The following FAN1 variants were observed in gnomAD, a reference collection of about 807,000 sequenced individuals.
The protein encoded by FAN1 is FANCD2 and FANCI associated nuclease 1.
FAN1 carries 91 observed loss-of-function variants against 104.9 expected under a neutral mutation model. The observed-to-expected ratio is 0.87, with a 90% confidence interval of 0.73 to 1.03. FAN1 has a LOEUF of 1.03. FAN1 is among the 50% of genes least tolerant of loss of function. The pLI, the probability that FAN1 is intolerant of heterozygous loss-of-function variation, is 0.00. For synonymous variants in FAN1, 478 were observed against 457.6 expected (o/e 1.04, Z -0.57); for missense variants, 1,263 against 1,239.9 (o/e 1.02, Z -0.28).
At chr15:30,908,089 T>G (rs771990319) in intron 2 of FAN1, 29 bp from the exon 3 acceptor site, 2 of 1,575,092 alleles carry the variant, frequency 1.3e-6, no homozygotes, top group South Asian at 2.4e-5. Flanking sequence ...ATGCAGTGAT[T>G]TTCAACATTT....
intron 6 of FAN1, 105 bp downstream of exon 6, chr15:30,918,400 GTTAAACCAGC>G (rs1403726818): frequency 5.4e-5 from 63 of 1,171,912 alleles, no homozygotes; most frequent in Non-Finnish European, 7.8e-5. Context: ...TTTCTCTGTG[GTTAAACCAGC>G]TGTGGAATTG....
chr15:30,936,409 G>T (rs2062853876), intron 13 of FAN1, among the ~76,000 whole-genome samples: 1 of 151,062 alleles, frequency 6.6e-6, no homozygotes, highest in Admixed American at 6.6e-5. Context: ...TGGCAAGAAG[G>T]TTAGATTTAA....
chr15:30,937,807 C>T (rs550745393), intron 14 of FAN1, among the ~76,000 whole-genome samples: 1 of 151,998 alleles, frequency 6.6e-6, no homozygotes, highest in South Asian at 2.1e-4. Context: ...ATTATTGGAG[C>T]TGGATGCATC....
intron 10 of FAN1, 130 bp downstream of exon 10, chr15:30,926,069 G>A (rs2062454899): frequency 3.3e-6 from 3 of 918,888 alleles, no homozygotes; most frequent in East Asian, 2.4e-5. Context: ...CTGTGGGCTG[G>A]GGGATGTCTT....
At chr15:30,909,888 G>T (rs1391903958) in intron 3 of FAN1, among the ~76,000 whole-genome samples, 2 of 152,206 alleles carry the variant, frequency 1.3e-5, no homozygotes, top group African/African-American at 4.8e-5. Flanking sequence ...GCCAGCTTCA[G>T]TTTGCCTCCT....
At chr15:30,928,371 A>G (rs903765867) in intron 10 of FAN1, 182 bp from the exon 11 acceptor site, 5 of 1,426,606 alleles carry the variant, frequency 3.5e-6, no homozygotes, top group Non-Finnish European at 4.6e-6. Context: ...TATAAACAAC[A>G]TACTGTATAA....
Position 30,942,649 on chromosome 15 carries a change from T to C in FAN1, c.*1087T>C. The C allele has an allele frequency of 6.4e-6, 3 of 467,986 alleles. No homozygotes were observed. Among genetic ancestry groups the C allele is most frequent in the Non-Finnish European group, 1.1e-5 (3 of 268,824 alleles). 29.0% of individuals were successfully genotyped at this position (467,986 alleles called of 1,614,324 possible). ...AATGGATAAATGGGGCTTTAGTAAA[T>C]CAGGCTTGCAGGCTCAAAGCTGCAA... On this transcript the variant is annotated 3_prime_UTR_variant, in exon 15 of 15. Coordinates refer to ENST00000362065, the MANE Select transcript of FAN1 (RefSeq NM_014967.5).
chr15:30,925,672 C>T, intron 9 of FAN1, 117 bp from the exon 10 acceptor site: 2 of 1,152,942 alleles, frequency 1.7e-6, no homozygotes, highest in Non-Finnish European at 2.5e-6. Context: ...ACGCTGTGTG[C>T]TCTACTAAGT....
chr15:30,918,372 A>G, intron 6 of FAN1, 77 bp downstream of exon 6: 2 of 1,426,038 alleles, frequency 1.4e-6, no homozygotes, highest in Non-Finnish European at 2.0e-6. Context: ...AATTTTCTTC[A>G]TGAAGAATAT....
chr15:30,913,986 G>A lies in FAN1; in HGVS notation c.1706G>A (p.Gly569Glu). 1.2e-6 allele frequency: 2 copies of A among 1,614,112 alleles called. No homozygotes were observed. Among genetic ancestry groups the A allele is most frequent in the Non-Finnish European group, 1.7e-6 (2 of 1,179,998 alleles). ...EDEDAACGGQ[G>E]QLSTVLLVNL... ...GAAGACGCCGCTTGTGGAGGTCAGG[G>A]ACAGCTTTCAACAGTCCTGTTGGTC... The change falls in exon 5 of 15, where the codon GGA (glycine) becomes GAA (glutamate). Residue 569 changes from glycine to glutamate, a missense_variant. By Grantham distance (98) the Gly-to-Glu change is moderately conservative. Around this residue, in one of 2 missense-constraint regions of FAN1, gnomAD observed 581 missense variants for 668.8 expected, o/e 0.87. Transcript: ENST00000362065.
At position 30,942,953 on chromosome 15, in the gene FAN1, GAAGGGGTTATGGAA is replaced by G; in HGVS notation, c.*1397_*1410del. ...TACAAGGTGTGCTCTTTCCAATGTA[GAAGGGGTTATGGAA>G]AAGGGTGCGATCCTTTGCTGTAAAC... On this transcript the variant is annotated 3_prime_UTR_variant, in exon 15 of 15. Transcript: ENST00000362065. The G allele has an allele frequency of 6.4e-7, 1 of 1,563,230 alleles. No homozygotes were observed. The highest frequency in any genetic ancestry group is 8.7e-7 in the Non-Finnish European group (1 of 1,151,728).
chr15:30,910,757 CG>C lies in FAN1; in HGVS notation c.1520del (p.Arg507LeufsTer16), dbSNP rs1429514593. On this transcript the variant is annotated frameshift_variant, in exon 4 of 15. Transcript: ENST00000362065. LOFTEE classifies it high-confidence loss of function. The stretch of plus-strand genomic sequence containing the variant: ...CGCCTTTCTCAAATTGGCCAAACAG[CG>C]TTCAGTCTGCACTTGGGGCAAGAAT... ...VDAFLKLAKQRSVCTWGKNKP... is the reference protein window; with the variant it reads ...VDAFLKLAKQXSVCTWGKNKP... 4.3e-6 allele frequency: 7 copies of C among 1,613,904 alleles called. No homozygotes were observed. Among genetic ancestry groups the C allele is most frequent in the African/African-American group, 1.3e-5 (1 of 74,866 alleles).
At chr15:30,937,312 T>A (rs1184261987) in intron 14 of FAN1, 53 bp downstream of exon 14, 33 of 1,517,034 alleles carry the variant, frequency 2.2e-5, no homozygotes, top group Non-Finnish European at 2.9e-5. Context: ...TTCAAGAGTA[T>A]AAAACATGTT....
In FAN1 at chr15:30,904,765, T is replaced by C; in HGVS notation, c.102T>C (p.Phe34=). 1 of 1,613,488 alleles carries C rather than the reference T, an allele frequency of 6.2e-7. No individual in the cohort carries two copies. The highest frequency in any genetic ancestry group is 1.3e-5 in the African/African-American group (1 of 75,036). The change falls in exon 2 of 15, where the codon TTT becomes TTC. Residue 34 remains phenylalanine (F), a synonymous_variant. Transcript: ENST00000362065. ...KKASNSIISC[F]NNAPPAKLAC... ...CATCTAATTCTATTATTTCGTGTTT[T>C]AACAATGCACCACCTGCTAAACTTG...
At chr15:30,923,665 G>A (rs763572926) in intron 8 of FAN1, among the ~76,000 whole-genome samples, 4 of 152,328 alleles carry the variant, frequency 2.6e-5, no homozygotes, top group Admixed American at 6.5e-5. Flanking sequence ...CTCCCTCTCC[G>A]AGGCCAGGCT....
intron 14 of FAN1, chr15:30,941,157 CTAT>C: frequency 7.6e-7 from 1 of 1,313,280 alleles, no homozygotes; most frequent in Admixed American, 2.3e-5. Context: ...ATGTGACTGA[CTAT>C]CAGATAGCCT....
At position 30,941,563 on chromosome 15, in the gene FAN1, C is replaced by A. The variant is rs767018763; in HGVS notation, c.*4-3C>A. ...GTGTTCCTAAAATGCTTCGTCTGCACAGATTCCCTACAGGAGAAAATGGAA... is the reference window on the plus strand; with the variant it reads ...GTGTTCCTAAAATGCTTCGTCTGCAAAGATTCCCTACAGGAGAAAATGGAA... On this transcript the variant is annotated splice_region_variant and splice_polypyrimidine_tract_variant and intron_variant, in intron 14 of 14. Transcript: ENST00000362065. 1 of 1,602,152 alleles carries A rather than the reference C, an allele frequency of 6.2e-7. No individual in the cohort carries two copies. The highest frequency in any genetic ancestry group is 1.1e-5 in the South Asian group (1 of 89,402).
rs370720123 is a variant in FAN1, at chr15:30,942,045, T to G, written c.*483T>G. On this transcript the variant is annotated 3_prime_UTR_variant, in exon 15 of 15. Coordinates refer to ENST00000362065, the MANE Select transcript of FAN1 (RefSeq NM_014967.5). ...ATTCCATTCTTTAAGGCAGACGGCA[T>G]TCCTCTTAGTGTGGAGCTGTAGCTT... 42 of 1,613,880 alleles carry G rather than the reference T, an allele frequency of 2.6e-5. No homozygotes were observed. Among genetic ancestry groups the G allele is most frequent in the Non-Finnish European group, 3.5e-5 (41 of 1,179,862 alleles).
At chr15:30,926,031 C>G (rs571132243) in intron 10 of FAN1, 92 bp downstream of exon 10, 1 of 1,270,258 alleles carries the variant, frequency 7.9e-7, no homozygotes, top group African/African-American at 1.5e-5. Context: ...GCTGTCCTCT[C>G]TCTGTCCTCT....
Sources: allele counts gnomAD v4.1 joint callset (sites outside exome capture counted in the v4.1 genomes callset), GRCh38; gene constraint gnomAD v4.1.1; regional missense constraint gnomAD v4.1.1; transcripts MANE v1.5; gene names NCBI Gene and HGNC (gene_info 2026-07-23, HGNC 2026-07-21).